THSD4: variants seen among roughly 807,000 people sequenced by gnomAD.
THSD4 encodes the protein thrombospondin type 1 domain containing 4.
A neutral mutation model predicts 119.0 loss-of-function variants in THSD4; 69 were observed. The observed-to-expected ratio is 0.58, with a 90% CI of 0.48 to 0.71. The LOEUF (loss-of-function observed/expected upper bound fraction) is 0.71. THSD4 is among the 30% of genes least tolerant of loss of function. The pLI is 0.00. For synonymous variants in THSD4, 524 were observed against 540.4 expected, an observed-to-expected ratio of 0.97 and a Z score of 0.42; for missense variants, 1,393 against 1,391.1, an observed-to-expected ratio of 1.00 and a Z score of -0.02.
At chr15:71,545,309 A>T (rs373648234) in intron 7 of THSD4, among the ~76,000 whole-genome samples, 16 of 152,294 alleles carry the variant, frequency 1.1e-4, no homozygotes, top group African/African-American at 2.4e-4. Context: ...AGACAGGTCA[A>T]AAGATTGCAG....
At chr15:71,626,838 C>A (rs2050519197) in intron 7 of THSD4, among the ~76,000 whole-genome samples, 1 of 152,114 alleles carries the variant, frequency 6.6e-6, no homozygotes, top group Non-Finnish European at 1.5e-5. Context: ...GCTCTGGAAT[C>A]AAGGACATAC....
At chr15:71,193,946 C>T (rs1197527685) in intron 3 of THSD4, among the ~76,000 whole-genome samples, 1 of 152,144 alleles carries the variant, frequency 6.6e-6, no homozygotes, top group Non-Finnish European at 1.5e-5. Context: ...CTCCTGACCC[C>T]ATGATCTGCC....
intron 7 of THSD4, among the ~76,000 whole-genome samples, chr15:71,459,160 C>CTTTTTTTTTTTTTTTTTTTT (rs372209662): frequency 8.5e-5 from 11 of 128,872 alleles, no homozygotes; most frequent in African/African-American, 1.4e-4. Flanking sequence ...TTCTTTTTTT[C>CTTTTTTTTTTTTTTTTTTTT]TTTTTTTTTT....
chr15:71,742,093 T>G (rs2053246957), intron 11 of THSD4, among the ~76,000 whole-genome samples: 1 of 152,246 alleles, frequency 6.6e-6, no homozygotes, highest in African/African-American at 2.4e-5. Context: ...AAGTCACTTA[T>G]GCACAGAATA....
At chr15:71,247,394 T>C (rs2140278901) in intron 5 of THSD4, among the ~76,000 whole-genome samples, 1 of 152,298 alleles carries the variant, frequency 6.6e-6, no homozygotes, top group Non-Finnish European at 1.5e-5. Flanking sequence ...GACACTGAGA[T>C]GCGAGCAGGC....
chr15:71,378,129 A>AT (rs1266482507), intron 6 of THSD4, among the ~76,000 whole-genome samples: 4 of 151,966 alleles, frequency 2.6e-5, no homozygotes, highest in Admixed American at 1.3e-4. Flanking sequence ...CTTTATTTTG[A>AT]TTTTTTTCAT....
intron 8 of THSD4, among the ~76,000 whole-genome samples, chr15:71,663,731 T>C (rs1365821021): frequency 1.3e-5 from 2 of 152,206 alleles, no homozygotes; most frequent in African/African-American, 4.8e-5. Flanking sequence ...GGCTATTTTT[T>C]ACATTGTACA....
At chr15:71,492,372 C>T (rs950800076) in intron 7 of THSD4, among the ~76,000 whole-genome samples, 1 of 152,126 alleles carries the variant, frequency 6.6e-6, no homozygotes. Context: ...TCAAGTGATT[C>T]TCCTGTCTCA....
intron 5 of THSD4, 108 bp from the exon 6 acceptor site, chr15:71,256,505 A>T: frequency 1.4e-6 from 1 of 713,334 alleles, no homozygotes; most frequent in Non-Finnish European, 2.0e-6. Flanking sequence ...AATAAAGAAT[A>T]AAAATAAAAA....
intron 6 of THSD4, among the ~76,000 whole-genome samples, chr15:71,360,651 ACTC>A (rs2045882469): frequency 6.6e-6 from 1 of 152,012 alleles, no homozygotes; most frequent in African/African-American, 2.4e-5. Context: ...CTAGCATATG[ACTC>A]CTCCTCAGAT....
chr15:71,745,513 G>C (rs929308163), intron 12 of THSD4, among the ~76,000 whole-genome samples: 16 of 152,246 alleles, frequency 1.1e-4, no homozygotes, highest in African/African-American at 3.9e-4. Context: ...AAAGGAGGAA[G>C]CAAAAAACGA....
intron 7 of THSD4, among the ~76,000 whole-genome samples, chr15:71,459,346 GTCTCTC>G (rs57397281): frequency 8.3e-6 from 1 of 120,980 alleles, no homozygotes; most frequent in African/African-American, 3.0e-5. Context: ...CTGTCTCTCT[GTCTCTC>G]TCTCTCTCTC....
intron 6 of THSD4, among the ~76,000 whole-genome samples, chr15:71,261,537 C>T (rs1596301403): frequency 6.6e-6 from 1 of 152,172 alleles, no homozygotes; most frequent in East Asian, 1.9e-4. Context: ...CCCAGACAAA[C>T]TATACCATGG....
intron 4 of THSD4, among the ~76,000 whole-genome samples, chr15:71,237,682 T>A (rs1232601290): frequency 6.6e-6 from 1 of 152,096 alleles, no homozygotes; most frequent in African/African-American, 2.4e-5. Context: ...GCTAGGCACA[T>A]GGGGTTGATG....
At chr15:71,467,757 G>A (rs1053551871) in intron 7 of THSD4, among the ~76,000 whole-genome samples, 4 of 152,076 alleles carry the variant, frequency 2.6e-5, no homozygotes, top group African/African-American at 9.7e-5. Flanking sequence ...GTCATGGGAG[G>A]GACCTGGTGG....
At chr15:71,223,473 C>CT (rs1268023339) in intron 4 of THSD4, among the ~76,000 whole-genome samples, 1 of 152,340 alleles carries the variant, frequency 6.6e-6, no homozygotes, top group East Asian at 1.9e-4. Context: ...ACACTACCCG[C>CT]TGTCATTAGA....
intron 3 of THSD4, among the ~76,000 whole-genome samples, chr15:71,192,439 C>T (rs925933787): frequency 1.3e-5 from 2 of 151,900 alleles, no homozygotes; most frequent in Non-Finnish European, 2.9e-5. Context: ...TGCGCCAACA[C>T]GCCTGGATAA....
At chr15:71,704,377 A>G (rs8023520) in intron 8 of THSD4, among the ~76,000 whole-genome samples, 77,201 of 152,004 alleles carry the variant, frequency 0.51, 20,682 homozygotes, top group African/African-American at 0.69. Context: ...TCATGGGGAC[A>G]GGTCTTCCCT....
At chr15:71,128,237 T>C (rs1278851630) in intron 1 of THSD4, among the ~76,000 whole-genome samples, 1 of 150,160 alleles carries the variant, frequency 6.7e-6, no homozygotes, top group Admixed American at 6.6e-5. Flanking sequence ...AAAAAAAGAA[T>C]AGAGTCTCAG....
Sources: allele counts gnomAD v4.1 joint callset (sites outside exome capture counted in the v4.1 genomes callset), GRCh38; gene constraint gnomAD v4.1.1; transcripts MANE v1.5; gene names NCBI Gene and HGNC (gene_info 2026-07-23, HGNC 2026-07-21).